IQANK1: variants seen among roughly 807,000 people sequenced by gnomAD.
IQANK1 encodes the protein IQ motif and ankyrin repeat containing 1.
In IQANK1, 30 loss-of-function variants were observed where a neutral mutation model predicts 22.6. That is an observed-to-expected ratio of 1.33 (90% confidence interval 0.99 to 1.80). The LOEUF is 1.80. Among genes scored for constraint, IQANK1 ranks in the 40% most tolerant of loss-of-function variants. The pLI is 0.00. For synonymous variants in IQANK1, 122 were observed against 99.6 expected, an observed-to-expected ratio of 1.23 and a Z score of -1.34; for missense variants, 275 against 235.2, an observed-to-expected ratio of 1.17 and a Z score of -1.11.
chr8:143,772,326 C>G (rs1266306657), intron 6 of IQANK1, 31 bp from the exon 7 acceptor site: 1 of 398,770 alleles, frequency 2.5e-6, no homozygotes, highest in African/African-American at 2.1e-5. Context: ...GGGGCAAGGC[C>G]TGGATCTTGC....
chr8:143,771,629 G>T lies in IQANK1; in HGVS notation c.306+11G>T. 2 of 399,224 alleles carry T rather than the reference G, an allele frequency of 5.0e-6. No homozygotes were observed. Among genetic ancestry groups the T allele is most frequent in the East Asian group, 7.1e-5 (2 of 28,038 alleles). 24.7% of individuals were successfully genotyped at this position (399,224 alleles called of 1,614,324 possible). A position where few individuals can be genotyped will look rare whatever the true frequency, so the allele number is the denominator to read the frequency against. On this transcript the variant is annotated intron_variant, in intron 4 of 13. Transcript: ENST00000527139. The surrounding 1 kb of genome is among the most constrained non-coding windows in gnomAD (Gnocchi z 6.0). Reference sequence around the variant, plus strand: ...ACGCCGCAGAAGGAGGTGAGGACGGGCAGCCGCAACAGCCGGGGGCCAGGC... The same window carrying T: ...ACGCCGCAGAAGGAGGTGAGGACGGTCAGCCGCAACAGCCGGGGGCCAGGC...
chr8:143,769,519 T>A (rs2129901569), intron 3 of IQANK1, among the ~76,000 whole-genome samples: 1 of 152,330 alleles, frequency 6.6e-6, no homozygotes, highest in Non-Finnish European at 1.5e-5. Context: ...TAAACAGGAA[T>A]AATTTACTTA....
intron 7 of IQANK1, among the ~76,000 whole-genome samples, chr8:143,784,667 C>T (rs897062986): frequency 2.0e-5 from 3 of 152,156 alleles, no homozygotes; most frequent in Non-Finnish European, 4.4e-5. Flanking sequence ...CTGTTAGGGA[C>T]CCAGGCTGAC....
chr8:143,773,014 C>T (rs1220882959), intron 7 of IQANK1, among the ~76,000 whole-genome samples: 2 of 152,214 alleles, frequency 1.3e-5, no homozygotes, highest in African/African-American at 4.8e-5. Flanking sequence ...AAAGGACAGT[C>T]TGGCTGTCTG....
At chr8:143,763,878 C>G (rs1554629036) in intron 3 of IQANK1, among the ~76,000 whole-genome samples, 1 of 152,212 alleles carries the variant, frequency 6.6e-6, no homozygotes, top group African/African-American at 2.4e-5. Flanking sequence ...TAGGGGCAGG[C>G]AGAGTGGTTA....
At chr8:143,765,289 C>T (rs1554629149) in intron 3 of IQANK1, among the ~76,000 whole-genome samples, 3 of 151,680 alleles carry the variant, frequency 2.0e-5, no homozygotes, top group South Asian at 2.1e-4. Context: ...CCCTGGAGGC[C>T]GAGGTTGCAG....
In IQANK1 at chr8:143,789,238, AAGG is replaced by A. The variant is rs1188901997; in HGVS notation, c.992_993+1del. The A allele has an allele frequency of 1.0e-5, 4 of 399,884 alleles. No homozygotes were observed. The highest frequency in any genetic ancestry group is 1.3e-4 in the South Asian group (1 of 7,856). 24.8% of individuals were successfully genotyped at this position (399,884 alleles called of 1,614,324 possible). A position where few individuals can be genotyped will look rare whatever the true frequency, so the allele number is the denominator to read the frequency against. On this transcript the variant is annotated inframe_deletion and splice_region_variant, in exon 9 of 14. Transcript: ENST00000527139. The stretch of plus-strand genomic sequence containing the variant: ...GACCAGGGAGCAGCAGCAGTGTCAC[AAGG>A]AGGTGAGTGTGACCTCAGGGAGGAG...
intron 3 of IQANK1, among the ~76,000 whole-genome samples, chr8:143,740,458 C>T (rs1468618567): frequency 6.6e-6 from 1 of 152,236 alleles, no homozygotes; most frequent in African/African-American, 2.4e-5. Flanking sequence ...GGCTCAGCAG[C>T]GCCTCCCAAC....
intron 3 of IQANK1, among the ~76,000 whole-genome samples, chr8:143,751,660 G>GTA (rs1440239363): frequency 1.9e-3 from 85 of 44,032 alleles, no homozygotes; most frequent in African/African-American, 3.3e-3. Flanking sequence ...GTGTGTGTGT[G>GTA]TGTGTATATA....
intron 3 of IQANK1, among the ~76,000 whole-genome samples, chr8:143,751,888 T>C (rs1479438158): frequency 1.3e-5 from 2 of 150,730 alleles, no homozygotes; most frequent in Admixed American, 6.7e-5. Flanking sequence ...CTTCCTCACA[T>C]GTGAAGGATA....
chr8:143,770,599 G>C (rs1210773055), intron 3 of IQANK1, among the ~76,000 whole-genome samples: 1 of 152,194 alleles, frequency 6.6e-6, no homozygotes, highest in African/African-American at 2.4e-5. Flanking sequence ...ATAGTACTTG[G>C]CTCCCCAGCG....
At chr8:143,745,200 G>C (rs1554627097) in intron 3 of IQANK1, 1 of 152,260 alleles carries the variant, frequency 6.6e-6, no homozygotes, top group Admixed American at 6.5e-5. Flanking sequence ...CTGGAAACTG[G>C]GTGAGAGACT....
rs1325360868 is a variant in IQANK1 at position 143,789,966 on chromosome 8, G to A, written c.1196-5G>A. The A allele has an allele frequency of 1.6e-5, 20 of 1,232,024 alleles. No homozygotes were observed. The East Asian group carries it at 5.0e-4, about 31-fold the overall frequency. 76.3% of individuals were successfully genotyped at this position (1,232,024 alleles called of 1,614,324 possible). A position where few individuals can be genotyped will look rare whatever the true frequency, so the allele number is the denominator to read the frequency against. ...CCTGTCAGCTGCACTCTGCTACCCCGACAGGGGAGGAAGAGGCGCCTGGGC... is the reference window on the plus strand; with the variant it reads ...CCTGTCAGCTGCACTCTGCTACCCCAACAGGGGAGGAAGAGGCGCCTGGGC... On this transcript the variant is annotated splice_region_variant and splice_polypyrimidine_tract_variant and intron_variant, in intron 11 of 13. Transcript: ENST00000527139.
intron 3 of IQANK1, chr8:143,742,079 G>A: frequency 3.0e-6 from 1 of 332,058 alleles, no homozygotes; most frequent in South Asian, 2.5e-5. Flanking sequence ...ACTCTCTCTA[G>A]GAGCGTCCCC....
chr8:143,742,131 C>A (rs1473522942), intron 3 of IQANK1: 11 of 348,250 alleles, frequency 3.2e-5, no homozygotes, highest in Non-Finnish European at 1.1e-5. Flanking sequence ...GTTCCCTGCT[C>A]CTCACAGAGC....
chr8:143,743,027 C>T (rs1554626820), intron 3 of IQANK1: 1 of 456,014 alleles, frequency 2.2e-6, no homozygotes, highest in Non-Finnish European at 4.4e-6. Flanking sequence ...TTGAGATGCC[C>T]AGGAGATGGG....
intron 3 of IQANK1, among the ~76,000 whole-genome samples, chr8:143,751,664 G>GTGTGTATATATATATATATA (rs370428606): frequency 1.7e-3 from 107 of 61,528 alleles, no homozygotes; most frequent in Admixed American, 2.4e-3. Context: ...GTGTGTGTGT[G>GTGTGTATATATATATATATA]TATATATATA....
intron 3 of IQANK1, among the ~76,000 whole-genome samples, chr8:143,769,630 G>A (rs1049232326): frequency 3.9e-5 from 6 of 152,202 alleles, no homozygotes; most frequent in African/African-American, 1.2e-4. Context: ...CCCTTGGCCC[G>A]TCCTCTGCTG....
In IQANK1 at chr8:143,758,994, G is replaced by A. The variant is rs368636750; in HGVS notation, c.176-12494G>A. On this transcript the variant is annotated intron_variant, in intron 3 of 13. Transcript: ENST00000527139. This position sits in a 1 kb window ranked among gnomAD's most constrained non-coding sequence, Gnocchi z 4.2. ...GCACCCGCCATGCCGGGAAGAGCTC[G>A]GGTGGGCTTTCTCCATAGCAATTCT... 27 of 185,600 alleles carry A rather than the reference G, an allele frequency of 1.5e-4. No homozygotes were observed. Among genetic ancestry groups the A allele is most frequent in the South Asian group, 1.3e-3 (15 of 11,808 alleles). The allele number at this position is 185,600 out of a possible 1,614,324, so 11.5% of individuals were successfully genotyped here.
Sources: gnomAD v4.1 joint callset for allele counts (sites outside exome capture counted in the v4.1 genomes callset) on GRCh38, gnomAD v4.1.1 for gene constraint, Gnocchi (gnomAD v3.1) non-coding constraint, MANE v1.5 for transcripts, NCBI Gene and HGNC (gene_info 2026-07-23, HGNC 2026-07-21) for gene names.